Variants in PCDHGA5 observed in about 807,000 individuals in gnomAD.
PCDHGA5 encodes the protein protocadherin gamma-A5.
In PCDHGA5, 36 loss-of-function variants were observed where a neutral mutation model predicts 56.7. The observed-to-expected ratio is 0.64, with a 90% CI of 0.49 to 0.84. The LOEUF is 0.84. PCDHGA5 is among the 40% of genes least tolerant of loss of function. The probability of loss-of-function intolerance (pLI) is 0.00; values close to 1 mark genes in which losing one functional copy is unlikely to be tolerated. For missense variants in PCDHGA5, 1,305 were observed against 1,201.5 expected (o/e 1.09, Z -1.27); for synonymous variants, 563 against 520.2 (o/e 1.08, Z -1.12).
In PCDHGA5 at chr5:141,395,138, C is replaced by T. The variant is rs147992300; in HGVS notation, c.2421+28387C>T. 1,238 of 1,614,204 alleles carry T rather than the reference C, an allele frequency of 7.7e-4. 19 individuals are homozygous for T. In the East Asian group the frequency reaches 0.018, roughly 24 times the overall value. On this transcript the variant is annotated intron_variant, in intron 1 of 3. Transcript: ENST00000518069. ...ACCTGATCTTTCCCCAGCCCAACTA[C>T]GCAGACATGCTCATCAGTCAGGAGG...
chr5:141,470,476 A>G (rs1009129571), intron 1 of PCDHGA5, among the ~76,000 whole-genome samples: 7 of 152,128 alleles, frequency 4.6e-5, no homozygotes, highest in African/African-American at 1.7e-4. Context: ...GATATTACTA[A>G]CCCTCTGGGA....
intron 1 of PCDHGA5, among the ~76,000 whole-genome samples, chr5:141,450,363 T>C (rs2098678373): frequency 6.6e-6 from 1 of 152,162 alleles, no homozygotes; most frequent in Admixed American, 6.5e-5. Flanking sequence ...TTCCTCAGCC[T>C]TGTTTGTTTA....
intron 2 of PCDHGA5, among the ~76,000 whole-genome samples, chr5:141,496,410 A>G (rs77823969): frequency 0.019 from 2,839 of 152,308 alleles, 40 homozygotes; most frequent in Middle Eastern, 0.082. Context: ...ATGGTTGAGT[A>G]CTTGCTGTCC....
intron 1 of PCDHGA5, chr5:141,399,180 G>A (rs1454578078): frequency 6.2e-7 from 1 of 1,613,916 alleles, no homozygotes; most frequent in Non-Finnish European, 8.5e-7. Context: ...TACTTGAAAT[G>A]ATTCTGGAAA....
At chr5:141,457,555 C>A (rs1425159883) in intron 1 of PCDHGA5, among the ~76,000 whole-genome samples, 2 of 152,168 alleles carry the variant, frequency 1.3e-5, no homozygotes. Context: ...GTATGATAAG[C>A]TTTGGAGCAA....
Position 141,365,275 on chromosome 5 carries a change from C to T in PCDHGA5, c.945C>T (p.Tyr315=). ...QSLDYEESRF[Y]LMEVVAQDGG... ...TGGACTATGAAGAATCCAGATTCTA[C>T]CTCATGGAAGTGGTAGCTCAGGATG... The change falls in exon 1 of 4, where the codon TAC becomes TAT. Residue 315 remains tyrosine, a synonymous_variant. Transcript: ENST00000518069. 6.2e-7 allele frequency: 1 copy of T among 1,613,980 alleles called. No homozygotes were observed. The highest frequency in any genetic ancestry group is 8.5e-7 in the Non-Finnish European group (1 of 1,179,886).
At chr5:141,382,364 T>A (rs919179170) in intron 1 of PCDHGA5, among the ~76,000 whole-genome samples, 6 of 152,264 alleles carry the variant, frequency 3.9e-5, no homozygotes, top group African/African-American at 1.4e-4. Flanking sequence ...AAATAAAATT[T>A]ACCTTTTTGC....
rs1390278177 is a variant in PCDHGA5, at chr5:141,366,317, G to A, written c.1987G>A (p.Ala663Thr). The A allele has an allele frequency of 1.9e-6, 3 of 1,613,628 alleles. No homozygotes were observed. In the South Asian group the frequency reaches 3.3e-5, roughly 18 times the overall value. The part of the protein sequence containing the change: ...PLSATFTVTV[A>T]VADRIPDILA... ...GTCAGCCACCTTCACGGTCACCGTT[G>A]CCGTGGCCGACAGGATCCCTGACAT... The change falls in exon 1 of 4, where the codon GCC becomes ACC. Residue 663 changes from alanine to threonine, a missense_variant. By Grantham distance (58) the Ala-to-Thr change is moderately conservative. Coordinates refer to ENST00000518069, the MANE Select transcript of PCDHGA5 (RefSeq NM_018918.3).
At chr5:141,427,637 C>T (rs771573587) in intron 1 of PCDHGA5, 5 of 707,806 alleles carry the variant, frequency 7.1e-6, no homozygotes, top group Non-Finnish European at 1.3e-5. Context: ...CGGTTTTCCA[C>T]CAAGTCTCCT....
In PCDHGA5 at chr5:141,365,468, G is replaced by A; in HGVS notation, c.1138G>A (p.Gly380Ser). 6.2e-7 allele frequency: 1 copy of A among 1,613,972 alleles called. No individual in the cohort carries two copies. Among genetic ancestry groups the A allele is most frequent in the Non-Finnish European group, 8.5e-7 (1 of 1,179,890 alleles). ...ACATGATGGTGATTCTGGAGAAAAT[G>A]GTGAGATTGCATGCTCTATTCCTAG... ...SVHDGDSGEN[G>S]EIACSIPRNL... Residue 380 changes from glycine to serine, a missense_variant, in exon 1 of 4, where the codon GGT becomes AGT. Coordinates refer to ENST00000518069, the MANE Select transcript of PCDHGA5 (RefSeq NM_018918.3).
At chr5:141,414,473 G>T (rs371832510) in intron 1 of PCDHGA5, 1 of 1,613,908 alleles carries the variant, frequency 6.2e-7, no homozygotes, top group Non-Finnish European at 8.5e-7. Flanking sequence ...GATGGGGGAA[G>T]TCCTCCTCTA....
At chr5:141,399,944 A>G (rs769384438) in intron 1 of PCDHGA5, 2 of 1,612,254 alleles carry the variant, frequency 1.2e-6, no homozygotes, top group South Asian at 2.2e-5. Context: ...CACGTGCTGC[A>G]GGCTAGCGAG....
At chr5:141,409,908 C>T (rs1255447661) in intron 1 of PCDHGA5, 1 of 1,613,204 alleles carries the variant, frequency 6.2e-7, no homozygotes, top group Non-Finnish European at 8.5e-7. Context: ...GCTCTGGGTC[C>T]TGACGGCTCC....
At chr5:141,370,996 A>G (rs1767388382) in intron 1 of PCDHGA5, 2 of 1,613,886 alleles carry the variant, frequency 1.2e-6, no homozygotes, top group African/African-American at 2.7e-5. Flanking sequence ...GCACCCCTGG[A>G]CAGGGAAGAG....
In PCDHGA5 at chr5:141,485,179, C is replaced by G. The variant is rs1405000217; in HGVS notation, c.2422-9628C>G. The G allele has an allele frequency of 1.2e-6, 2 of 1,612,648 alleles. No homozygotes were observed. Among genetic ancestry groups the G allele is most frequent in the African/African-American group, 2.7e-5 (2 of 74,924 alleles). ...AGAATTAGCGGGCGGCAGCAATGCT[C>G]CGCAAGGTGAGAAGCTGGACAGAAA... is the stretch of plus-strand genomic sequence containing the variant. On this transcript the variant is annotated intron_variant, in intron 1 of 3. Transcript: ENST00000518069. This position sits in a 1 kb window ranked among gnomAD's most constrained non-coding sequence, Gnocchi z 5.7.
intron 1 of PCDHGA5, chr5:141,439,888 A>G (rs2098137228): frequency 6.6e-6 from 1 of 152,384 alleles, no homozygotes. Context: ...TCTGGGTAGA[A>G]CCAAGGCGAC....
chr5:141,394,607 G>A (rs769750411), intron 1 of PCDHGA5: 17 of 1,613,530 alleles, frequency 1.1e-5, no homozygotes, highest in Non-Finnish European at 1.4e-5. Context: ...ACAGAGACTC[G>A]GGCCAGAACG....
At position 141,431,418 on chromosome 5, in the gene PCDHGA5, C is replaced by G. The variant is rs571505529; in HGVS notation, c.2422-63389C>G. On this transcript the variant is annotated intron_variant, in intron 1 of 3. Transcript: ENST00000518069. The surrounding 1 kb of genome is among the most constrained non-coding windows in gnomAD (Gnocchi z 4.8). ...CTTACGGCCTCCGACGGGGGCGACC[C>G]GGTGCGCACAGGCACCGCGCGCATC... is the stretch of plus-strand genomic sequence containing the variant. 6.8e-6 allele frequency: 11 copies of G among 1,613,588 alleles called. No homozygotes were observed. In the South Asian group the frequency reaches 1.1e-4, roughly 16 times the overall value.
At chr5:141,454,283 T>G (rs2098785864) in intron 1 of PCDHGA5, among the ~76,000 whole-genome samples, 1 of 152,134 alleles carries the variant, frequency 6.6e-6, no homozygotes, top group Non-Finnish European at 1.5e-5. Flanking sequence ...AACTTCACAT[T>G]AAAGGAACTC....
Sources: gnomAD v4.1 joint callset for allele counts (sites outside exome capture counted in the v4.1 genomes callset) on GRCh38, gnomAD v4.1.1 for gene constraint, Gnocchi (gnomAD v3.1) non-coding constraint, MANE v1.5 for transcripts, NCBI Gene and HGNC (gene_info 2026-07-23, HGNC 2026-07-21) for gene names.